SIGLEC12: variants seen among roughly 807,000 people sequenced by gnomAD.
SIGLEC12 encodes sialic acid binding Ig like lectin 12.
In SIGLEC12, 43 loss-of-function variants were observed where a neutral mutation model predicts 54.1. The observed-to-expected ratio is 0.80, with a 90% CI of 0.62 to 1.03. The LOEUF (loss-of-function observed/expected upper bound fraction) is 1.03, where lower values mean the gene tolerates loss of function less well. Among genes scored for constraint, SIGLEC12 ranks in the 50% least tolerant of loss-of-function variants. The pLI is 0.00. For missense variants in SIGLEC12, 802 were observed against 735.2 expected, an observed-to-expected ratio of 1.09 and a Z score of -1.05; for synonymous variants, 357 against 307.6, an observed-to-expected ratio of 1.16 and a Z score of -1.68.
At chr19:51,499,039 AG>A (rs1433845523) in intron 4 of SIGLEC12, 130 bp downstream of exon 4, 5 of 850,956 alleles carry the variant, frequency 5.9e-6, no homozygotes, top group Non-Finnish European at 9.6e-6. Context: ...GGTGGCCAAA[AG>A]GCTGAGGCTG....
At chr19:51,492,805 C>G (rs893291473) in intron 7 of SIGLEC12, among the ~76,000 whole-genome samples, 4 of 152,226 alleles carry the variant, frequency 2.6e-5, no homozygotes, top group Admixed American at 2.0e-4. Context: ...CTGGCCCTGC[C>G]TGCCAATGCC....
intron 7 of SIGLEC12, among the ~76,000 whole-genome samples, chr19:51,492,117 C>A (rs924049358): frequency 1.7e-4 from 26 of 152,270 alleles, no homozygotes; most frequent in Non-Finnish European, 3.5e-4. Flanking sequence ...TGCGCAAACT[C>A]CCTCTTATAC....
At chr19:51,495,261 G>GTGGA (rs535638938) in intron 7 of SIGLEC12, among the ~76,000 whole-genome samples, 2,486 of 79,130 alleles carry the variant, frequency 0.031, 182 homozygotes, top group African/African-American at 0.054. Context: ...GGGTGGGTGG[G>GTGGA]TGGATGGATG....
At chr19:51,500,837 T>A (rs975433905) in intron 1 of SIGLEC12, among the ~76,000 whole-genome samples, 1 of 151,826 alleles carries the variant, frequency 6.6e-6, no homozygotes, top group African/African-American at 2.4e-5. Context: ...AAGTGCTTCC[T>A]CCCTGGCCTG....
At chr19:51,493,358 T>C (rs1990155253) in intron 7 of SIGLEC12, among the ~76,000 whole-genome samples, 1 of 152,178 alleles carries the variant, frequency 6.6e-6, no homozygotes, top group Non-Finnish European at 1.5e-5. Flanking sequence ...CCTGAGCTCT[T>C]CTTTACTTTT....
In SIGLEC12 at chr19:51,500,074, A is replaced by T. The variant is rs1270525446; in HGVS notation, c.654T>A (p.Gly218=). The stretch of plus-strand genomic sequence containing the variant: ...GTGGGTCCCCAAGGAGGAGGAATCG[A>T]CCGTGGGTATCCTCTTGCACTTTTC... ...PSGKVQEDTH[G]RFLLLGDPQT... The change falls in exon 2 of 8, where the codon GGT becomes GGA. Residue 218 remains glycine, a synonymous_variant. Transcript: ENST00000291707. 1.2e-6 allele frequency: 2 copies of T among 1,613,996 alleles called. No individual in the cohort carries two copies. Among genetic ancestry groups the T allele is most frequent in the South Asian group, 2.2e-5 (2 of 91,078 alleles).
chr19:51,491,623 C>T lies in SIGLEC12; in HGVS notation c.*18G>A, dbSNP rs1990101879. ...AGGGGTCGTGAGCCCTCAAACAGGC[C>T]TGAGTCTCTGCAGTTTCTCACTTGG... On this transcript the variant is annotated 3_prime_UTR_variant, in exon 8 of 8. Transcript: ENST00000291707. 6.2e-7 allele frequency: 1 copy of T among 1,613,510 alleles called. No homozygotes were observed. Among genetic ancestry groups the T allele is most frequent in the African/African-American group, 1.3e-5 (1 of 74,874 alleles).
chr19:51,495,198 TGGACGGAC>T (rs1568528709), intron 7 of SIGLEC12, among the ~76,000 whole-genome samples: 1 of 83,080 alleles, frequency 1.2e-5, no homozygotes, highest in Non-Finnish European at 2.6e-5. Flanking sequence ...GATGGATGGA[TGGACGGAC>T]GGGTGGGTGG....
Position 51,498,150 on chromosome 19 carries a change from A to G in SIGLEC12, c.1273T>C (p.Ser425Pro). Reference sequence around the variant, plus strand: ...AGCTCCAGCACCCCAAGGTTCGAGGACTGTGAGGGGCTCAGGGTCAGGCTC... The same window carrying G: ...AGCTCCAGCACCCCAAGGTTCGAGGGCTGTGAGGGGCTCAGGGTCAGGCTC... Reference protein sequence around the residue: ...WGSLTLSPSQSSNLGVLELPR... With the variant: ...WGSLTLSPSQPSNLGVLELPR... Residue 425 changes from serine (S) to proline (P), a missense_variant, in exon 5 of 8, where the codon TCC becomes CCC. Coordinates refer to ENST00000291707, the MANE Select transcript of SIGLEC12 (RefSeq NM_053003.4). 6.2e-7 allele frequency: 1 copy of G among 1,614,200 alleles called. No individual in the cohort carries two copies. The highest frequency in any genetic ancestry group is 8.5e-7 in the Non-Finnish European group (1 of 1,180,022).
At chr19:51,495,562 C>A (rs1472033294) in intron 7 of SIGLEC12, among the ~76,000 whole-genome samples, 1 of 152,212 alleles carries the variant, frequency 6.6e-6, no homozygotes, top group African/African-American at 2.4e-5. Context: ...CTCCTTGGAA[C>A]TTCCTATTTC....
intron 5 of SIGLEC12, 82 bp from the exon 6 acceptor site, chr19:51,497,527 A>G: frequency 9.8e-7 from 1 of 1,021,186 alleles, no homozygotes; most frequent in South Asian, 1.5e-5. Flanking sequence ...AGGGCCCCAG[A>G]CTTGGGTACC....
rs769779922 is a variant in SIGLEC12, at chr19:51,499,945, A to G, written c.783T>C (p.Tyr261=). ...ERGSRKWNYI[Y]DKLSVHVTAL... is the part of the protein sequence containing the mutation. ...CTGTCACATGCACAGAGAGCTTGTC[A>G]TATATGTAGTTCCATTTCCTGCTTC... The change falls in exon 2 of 8, where the codon TAT becomes TAC. Residue 261 remains tyrosine, a synonymous_variant. Coordinates refer to ENST00000291707, the MANE Select transcript of SIGLEC12 (RefSeq NM_053003.4). The G allele has an allele frequency of 4.3e-6, 7 of 1,613,316 alleles. No homozygotes were observed. The highest frequency in any genetic ancestry group is 1.1e-5 in the South Asian group (1 of 91,000).
intron 5 of SIGLEC12, 149 bp downstream of exon 5, chr19:51,497,869 T>G: frequency 8.7e-7 from 1 of 1,152,764 alleles, no homozygotes; most frequent in Non-Finnish European, 1.2e-6. Context: ...CCCTCCAAGA[T>G]TAACTCCTCC....
chr19:51,499,806 C>T (rs1244198114), intron 2 of SIGLEC12, 90 bp from the exon 3 acceptor site: 1 of 1,557,048 alleles, frequency 6.4e-7, no homozygotes, highest in Non-Finnish European at 8.7e-7. Context: ...TACTCCTCCC[C>T]TGAGCCAGAT....
At position 51,497,405 on chromosome 19, in the gene SIGLEC12, G is replaced by A. The variant is rs28744388; in HGVS notation, c.1446C>T (p.Phe482=). 0.043 allele frequency: 68,791 copies of A among 1,612,936 alleles called. 1,994 individuals carry two copies. The highest frequency in any genetic ancestry group is 0.13 in the African/African-American group (9,779 of 74,940). Residue 482 remains phenylalanine (F), a synonymous_variant, in exon 6 of 8, where the codon TTC becomes TTT. Coordinates refer to ENST00000291707, the MANE Select transcript of SIGLEC12 (RefSeq NM_053003.4). ...RPISGVTLGA[F]GGAGATALVF... ...CCAGGGCTGTGGCTCCAGCTCCCCC[G>A]AATGCCCCTAGCGTCACTCCTGATA...
Position 51,501,741 on chromosome 19 carries a change from G to A in SIGLEC12, c.-8C>T, listed in dbSNP as rs957929080. The A allele has an allele frequency of 1.9e-6, 3 of 1,592,640 alleles. No individual in the cohort carries two copies. The highest frequency in any genetic ancestry group is 2.6e-6 in the Non-Finnish European group (3 of 1,166,812). ...TAGCAGCAGCAGTAGCATGTGTCGGGTTGGAGGTGCCAGGGTTGCTGAGGT... is the reference window on the plus strand; with the variant it reads ...TAGCAGCAGCAGTAGCATGTGTCGGATTGGAGGTGCCAGGGTTGCTGAGGT... On this transcript the variant is annotated 5_prime_UTR_variant, in exon 1 of 8. Transcript: ENST00000291707.
chr19:51,496,791 G>GAA, intron 7 of SIGLEC12, 89 bp downstream of exon 7: 2 of 1,475,458 alleles, frequency 1.4e-6, no homozygotes, highest in East Asian at 4.5e-5. Context: ...TGTAGGGGAA[G>GAA]AAAGGAAGGA....
Position 51,501,589 on chromosome 19 carries a change from G to C in SIGLEC12, c.145C>G (p.Pro49Ala), listed in dbSNP as rs769305374. The C allele has an allele frequency of 6.2e-7, 1 of 1,614,030 alleles. No homozygotes were observed. Among genetic ancestry groups the C allele is most frequent in the Non-Finnish European group, 8.5e-7 (1 of 1,179,932 alleles). Residue 49 changes from proline to alanine, a missense_variant, in exon 1 of 8, where the codon CCC (proline) becomes GCC (alanine). By Grantham distance (27) the Pro-to-Ala change is conservative (BLOSUM62 -1). Coordinates refer to ENST00000291707, the MANE Select transcript of SIGLEC12 (RefSeq NM_053003.4). ...TCGGAGGCAGTCCAGCCATTTTGGG[G>C]GTAGGAGAAGGAGCAAAGCACAGAG... ...CVSVLCSFSY[P>A]QNGWTASDPV... is the part of the protein sequence containing the mutation.
intron 4 of SIGLEC12, 125 bp from the exon 5 acceptor site, chr19:51,498,412 G>T: frequency 4.0e-6 from 3 of 755,512 alleles, no homozygotes; most frequent in Non-Finnish European, 6.2e-6. Context: ...ACATATGCAC[G>T]TTCACTGCTC....
Sources: allele counts gnomAD v4.1 joint callset (sites outside exome capture counted in the v4.1 genomes callset), GRCh38; gene constraint gnomAD v4.1.1; transcripts MANE v1.5; gene names NCBI Gene and HGNC (gene_info 2026-07-23, HGNC 2026-07-21).